SCNN1A: variants seen among roughly 807,000 people sequenced by gnomAD.
SCNN1A encodes the protein epithelial sodium channel subunit alpha.
A neutral mutation model predicts 68.6 loss-of-function variants in SCNN1A; 65 were observed. The ratio of observed to expected loss-of-function variants is 0.95; its 90% CI spans 0.78 to 1.16. The LOEUF is 1.16. Ranked by LOEUF, SCNN1A falls within the 50% of genes most tolerant of loss-of-function variation. SCNN1A has a pLI of 0.00. For synonymous variants in SCNN1A, 357 were observed against 353.3 expected, an observed-to-expected ratio of 1.01 and a Z score of -0.12; for missense variants, 880 against 865.9, an observed-to-expected ratio of 1.02 and a Z score of -0.20.
chr12:6,374,234 T>G lies in SCNN1A; in HGVS notation c.416+134A>C, dbSNP rs1948852347. ...TGGAGGCTCCTCATTTTGCCAGCAG[T>G]GAGCTCTACCTGGGACAGGGGTGTC... On this transcript the variant is annotated intron_variant, in intron 2 of 12. Transcript: ENST00000228916. This position sits in a 1 kb window ranked among gnomAD's most constrained non-coding sequence, Gnocchi z 6.2. 26 of 996,476 alleles carry G rather than the reference T, an allele frequency of 2.6e-5. No individual in the cohort carries two copies. Among genetic ancestry groups the G allele is most frequent in the Non-Finnish European group, 3.4e-5 (23 of 676,534 alleles). The allele number at this position is 996,476 out of a possible 1,614,324, so 61.7% of individuals were successfully genotyped here.
chr12:6,374,712 G>C lies in SCNN1A; in HGVS notation c.72C>G (p.Asn24Lys). The C allele has an allele frequency of 6.2e-7, 1 of 1,614,104 alleles. No individual in the cohort carries two copies. Among genetic ancestry groups the C allele is most frequent in the Non-Finnish European group, 8.5e-7 (1 of 1,180,010 alleles). Residue 24 changes from asparagine (N) to lysine (K), a missense_variant, in exon 2 of 13, where the codon AAC (asparagine) becomes AAG (lysine). Coordinates refer to ENST00000228916, the MANE Select transcript of SCNN1A (RefSeq NM_001038.6). This position sits in a 1 kb window ranked among gnomAD's most constrained non-coding sequence, Gnocchi z 6.2. ...GGCCCAGCCCCTGCTCCTCACGCTTGTTCCCCTTCATGAGCCCTGGAGTGG... is the reference window on the plus strand; with the variant it reads ...GGCCCAGCCCCTGCTCCTCACGCTTCTTCCCCTTCATGAGCCCTGGAGTGG... ...PQSTPGLMKG[N>K]KREEQGLGPE...
At chr12:6,362,275 C>T in intron 3 of SCNN1A, 34 bp from the exon 4 acceptor site, 4 of 1,596,054 alleles carry the variant, frequency 2.5e-6, no homozygotes, top group South Asian at 2.2e-5. Context: ...AGGGGACACG[C>T]AGCCGGGGAT....
At position 6,372,674 on chromosome 12, in the gene SCNN1A, G is replaced by GC. The variant is rs998847576; in HGVS notation, c.416+1693dup. On this transcript the variant is annotated intron_variant, in intron 2 of 12. Transcript: ENST00000228916. The surrounding 1 kb of genome is among the most constrained non-coding windows in gnomAD (Gnocchi z 5.8). ...CACAAATATTTATTGAGTGCCCACT[G>GC]CCCCGCCTGCTGTCCTTCCCCTTCC... 1.3e-5 allele frequency among the ~76,000 whole-genome samples: 2 copies of GC among 152,164 alleles called. No homozygotes were observed. The highest frequency in any genetic ancestry group is 2.4e-5 in the African/African-American group (1 of 41,434).
At position 6,354,863 on chromosome 12, in the gene SCNN1A, A is replaced by G. The variant is rs72657576; in HGVS notation, c.1144-15T>C. 39 of 1,601,592 alleles carry G rather than the reference A, an allele frequency of 2.4e-5. No individual in the cohort carries two copies. In the African/African-American group the frequency reaches 4.8e-4, roughly 20 times the overall value. ...TCCAGGGTTTCCTATGAACCCACAT[A>G]CACCAAGAGATCAGAGGACAGAGCA... On this transcript the variant is annotated splice_polypyrimidine_tract_variant and intron_variant, in intron 6 of 12. Transcript: ENST00000228916.
In SCNN1A at chr12:6,347,607, A is replaced by G; in HGVS notation, c.*266T>C. 2.0e-6 allele frequency: 1 copy of G among 509,836 alleles called. No individual in the cohort carries two copies. The highest frequency in any genetic ancestry group is 3.5e-6 in the Non-Finnish European group (1 of 283,460). The allele number at this position is 509,836 out of a possible 1,614,324, so 31.6% of individuals were successfully genotyped here. A position where few individuals can be genotyped will look rare whatever the true frequency, so the allele number is the denominator to read the frequency against. On this transcript the variant is annotated 3_prime_UTR_variant, in exon 13 of 13. Coordinates refer to ENST00000228916, the MANE Select transcript of SCNN1A (RefSeq NM_001038.6). ...GCTGATCCAAGGGAAAAAGAGACTT[A>G]GCCGCAGTTGGGTGGGGAAACCAGA...
In SCNN1A at chr12:6,348,811, T is replaced by C. The variant is rs762460320; in HGVS notation, c.1554-9A>G. 1.2e-6 allele frequency: 2 copies of C among 1,613,448 alleles called. No individual in the cohort carries two copies. The highest frequency in any genetic ancestry group is 1.1e-5 in the South Asian group (1 of 91,024). ...CTTTGGCCACTCCATTTCTTAGGTG[T>C]GGGGCAGAGGGTGGGAAGAAATGGT... On this transcript the variant is annotated splice_polypyrimidine_tract_variant and intron_variant, in intron 11 of 12. Transcript: ENST00000228916.
intron 4 of SCNN1A, among the ~76,000 whole-genome samples, chr12:6,358,797 C>G (rs1035882490): frequency 1.4e-5 from 2 of 147,488 alleles, no homozygotes; most frequent in Non-Finnish European, 3.0e-5. Flanking sequence ...GAAATCAAAG[C>G]TACAGTGAGG....
chr12:6,362,217 A>C lies in SCNN1A; in HGVS notation c.709T>G (p.Phe237Val), dbSNP rs925282686. ...ACCCCTGATGAGTATGTCTGGTAGA[A>C]GCAGTCCGATTTGTTCTGGTTGCAC... ...QLCNQNKSDCFYQTYSSGVDA... is the reference protein window; with the variant it reads ...QLCNQNKSDCVYQTYSSGVDA... Residue 237 changes from phenylalanine to valine, a missense_variant, in exon 4 of 13, where the codon TTC becomes GTC. Phe to Val is a conservative substitution (Grantham distance 50). This residue lies in a region of SCNN1A where 758 missense variants were observed against 721.8 expected (regional missense o/e 1.05). Coordinates refer to ENST00000228916, the MANE Select transcript of SCNN1A (RefSeq NM_001038.6). 1 of 1,614,204 alleles carries C rather than the reference A, an allele frequency of 6.2e-7. No homozygotes were observed. The highest frequency in any genetic ancestry group is 1.1e-5 in the South Asian group (1 of 91,090).
intron 8 of SCNN1A, 134 bp from the exon 9 acceptor site, chr12:6,349,539 G>A (rs1948335213): frequency 1.4e-6 from 1 of 715,426 alleles, no homozygotes; most frequent in Non-Finnish European, 2.5e-6. Flanking sequence ...TGCCTTATGA[G>A]TGGCAGTACC....
At chr12:6,356,802 C>T (rs1193306100) in intron 4 of SCNN1A, among the ~76,000 whole-genome samples, 2 of 152,110 alleles carry the variant, frequency 1.3e-5, no homozygotes, top group Non-Finnish European at 2.9e-5. Flanking sequence ...GCGACGGGAG[C>T]CAGGCAAAGA....
chr12:6,356,567 C>T (rs564902865), intron 4 of SCNN1A, among the ~76,000 whole-genome samples: 1 of 152,168 alleles, frequency 6.6e-6, no homozygotes, highest in Admixed American at 6.5e-5. Context: ...TTCCTGGGAG[C>T]CTCTTGCATC....
chr12:6,376,341 C>G (rs1948908833), upstream of SCNN1A: 1 of 211,386 alleles, frequency 4.7e-6, no homozygotes, highest in Non-Finnish European at 8.2e-6. Context: ...CTTTTTTACA[C>G]TGTTGGCTGC....
chr12:6,377,193 G>C (rs186991007), upstream of SCNN1A: 3 of 1,467,410 alleles, frequency 2.0e-6, no homozygotes, highest in Non-Finnish European at 2.8e-6. Context: ...AGTCTCTTGC[G>C]ACTTCTTAAA....
rs754732154 is a variant in SCNN1A at position 6,354,804 on chromosome 12, C to T, written c.1188G>A (p.Lys396=). 2 of 1,614,090 alleles carry T rather than the reference C, an allele frequency of 1.2e-6. No homozygotes were observed. The highest frequency in any genetic ancestry group is 4.5e-5 in the East Asian group (2 of 44,884). The change falls in exon 7 of 13, where the codon AAG becomes AAA. Residue 396 remains lysine, a synonymous_variant. Coordinates refer to ENST00000228916, the MANE Select transcript of SCNN1A (RefSeq NM_001038.6). ...TCTCAACAGGAACATCACTGCCATT[C>T]TTGGTGCAGTCGCCATAATCGCCCC... ...RLGGDYGDCT[K]NGSDVPVENL... is the part of the protein sequence containing the mutation.
chr12:6,346,990 T>C lies in SCNN1A; in HGVS notation c.*883A>G, dbSNP rs950226704. 1 of 152,588 alleles carries C rather than the reference T, an allele frequency of 6.6e-6. No homozygotes were observed. Among genetic ancestry groups the C allele is most frequent in the African/African-American group, 2.4e-5 (1 of 41,430 alleles). The allele number at this position is 152,588 out of a possible 1,614,324, so 9.5% of individuals were successfully genotyped here. A position where few individuals can be genotyped will look rare whatever the true frequency, so the allele number is the denominator to read the frequency against. On this transcript the variant is annotated 3_prime_UTR_variant, in exon 13 of 13. Coordinates refer to ENST00000228916, the MANE Select transcript of SCNN1A (RefSeq NM_001038.6). Reference sequence around the variant, plus strand: ...CTAGTTGGGAAGGGAGACACAAATGTACAAGAAAGTATGGTGCAACAGCAA... The same window carrying C: ...CTAGTTGGGAAGGGAGACACAAATGCACAAGAAAGTATGGTGCAACAGCAA...
intron 8 of SCNN1A, chr12:6,353,682 C>G (rs1306438594): frequency 2.8e-5 from 2 of 70,968 alleles, no homozygotes; most frequent in Admixed American, 1.5e-4. Context: ...CTCCGCCTCC[C>G]GGGTCCACAC....
chr12:6,352,134 C>A (rs900611409), intron 8 of SCNN1A, among the ~76,000 whole-genome samples: 1 of 152,074 alleles, frequency 6.6e-6, no homozygotes, highest in Admixed American at 6.6e-5. Context: ...TGGGACTATA[C>A]TTAAAACGTA....
rs369382063 is a variant in SCNN1A at position 6,349,372 on chromosome 12, G to T, written c.1394C>A (p.Ser465Tyr). 1.2e-6 allele frequency: 2 copies of T among 1,608,790 alleles called. No individual in the cohort carries two copies. Among genetic ancestry groups the T allele is most frequent in the Non-Finnish European group, 8.5e-7 (1 of 1,177,380 alleles). ...GGTGAAACAGCCCAGGTGGTCTGAG[G>T]AGAAGTCAACCTGGAGCTTATAGTA... ...YCYYKLQVDF[S>Y]SDHLGCFTKC... The change falls in exon 9 of 13, where the codon TCC becomes TAC. Residue 465 changes from serine (S) to tyrosine (Y), a missense_variant. Physicochemically the swap from Ser to Tyr is moderately radical, Grantham distance 144. Coordinates refer to ENST00000228916, the MANE Select transcript of SCNN1A (RefSeq NM_001038.6).
chr12:6,353,401 G>C (rs1565477577), intron 8 of SCNN1A, among the ~76,000 whole-genome samples: 1 of 151,938 alleles, frequency 6.6e-6, no homozygotes, highest in Non-Finnish European at 1.5e-5. Flanking sequence ...CCCCAGGGAA[G>C]TGTTGTGTAC....
Sources: allele counts gnomAD v4.1 joint callset (sites outside exome capture counted in the v4.1 genomes callset), GRCh38; gene constraint gnomAD v4.1.1; regional missense constraint gnomAD v4.1.1; non-coding constraint Gnocchi (gnomAD v3.1); transcripts MANE v1.5; gene names NCBI Gene and HGNC (gene_info 2026-07-23, HGNC 2026-07-21).